MASP2: variants seen among roughly 807,000 people sequenced by gnomAD.
MASP2 encodes the protein mannan-binding lectin serine protease 2.
Under a neutral mutation model 57.1 loss-of-function variants are expected in MASP2, and 49 were observed. That is an observed-to-expected ratio of 0.86 (90% CI 0.68 to 1.09). MASP2 has a LOEUF of 1.09. Among genes scored for constraint, MASP2 ranks in the 50% least tolerant of loss-of-function variants. MASP2 has a pLI of 0.00. For synonymous variants in MASP2, 379 were observed against 340.8 expected, an observed-to-expected ratio of 1.11 and a Z score of -1.24; for missense variants, 900 against 874.8, an observed-to-expected ratio of 1.03 and a Z score of -0.36.
At chr1:11,037,623 C>G in intron 7 of MASP2, 70 bp downstream of exon 7, 1 of 931,796 alleles carries the variant, frequency 1.1e-6, no homozygotes, top group East Asian at 2.7e-5. Context: ...TTTCACATAT[C>G]TGCAGATAGA....
intron 3 of MASP2, chr1:11,046,295 G>A: frequency 1.9e-6 from 1 of 535,458 alleles, no homozygotes; most frequent in Non-Finnish European, 3.4e-6. Flanking sequence ...TTACAGGCGT[G>A]AGCTGCTGCG....
In MASP2 at chr1:11,030,158, T is replaced by A. The variant is rs1643818717; in HGVS notation, c.1297+18A>T. The stretch of plus-strand genomic sequence containing the variant: ...CTTTCCATCAATTACCAGTCTCTTG[T>A]ATAAATGTATCCATTACCAGGCTCA... On this transcript the variant is annotated intron_variant, in intron 10 of 10. Transcript: ENST00000400897. 1 of 1,586,172 alleles carries A rather than the reference T, an allele frequency of 6.3e-7. No individual in the cohort carries two copies. Among genetic ancestry groups the A allele is most frequent in the Non-Finnish European group, 8.7e-7 (1 of 1,155,992 alleles).
In MASP2 at chr1:11,027,470, T is replaced by G; in HGVS notation, c.1476A>C (p.Ala492=). ...TGCCCATTCGAATGTCCAGGGCGGATGCATCATGTTTTTGCTCATAGACGG... is the reference window on the plus strand; with the variant it reads ...TGCCCATTCGAATGTCCAGGGCGGAGGCATCATGTTTTTGCTCATAGACGG... The part of the protein sequence containing the change: ...AHAVYEQKHD[A]SALDIRMGTL... Residue 492 remains alanine (A), a synonymous_variant, in exon 11 of 11, where the codon GCA becomes GCC. Transcript: ENST00000400897. The G allele has an allele frequency of 1.9e-6, 3 of 1,614,178 alleles. No homozygotes were observed. Among genetic ancestry groups the G allele is most frequent in the Non-Finnish European group, 2.5e-6 (3 of 1,180,026 alleles).
At chr1:11,030,338 T>G (rs951496604) in intron 9 of MASP2, 88 bp from the exon 10 acceptor site, 4 of 905,586 alleles carry the variant, frequency 4.4e-6, no homozygotes, top group African/African-American at 3.3e-5. Context: ...AAATGTTGAT[T>G]CTTGAGCATC....
At chr1:11,044,829 T>A (rs192542590) in intron 4 of MASP2, 4 of 1,388,472 alleles carry the variant, frequency 2.9e-6, no homozygotes, top group Non-Finnish European at 3.8e-6. Context: ...ATTGGGTCCA[T>A]GGTGGGTGAA....
rs149800848 is a variant in MASP2, at chr1:11,042,936, G to C, written c.828C>G (p.Ile276Met). Residue 276 changes from isoleucine (I) to methionine (M), a missense_variant, in exon 6 of 11, where the codon ATC becomes ATG. Transcript: ENST00000400897. The stretch of plus-strand genomic sequence containing the variant: ...CTCCTGATTCATCTGTGACAAAGGT[G>C]ATGGTCACCGTGTTGCTTTTTGTTT... ...RIETKSNTVT[I>M]TFVTDESGDH... 1,413 of 1,613,864 alleles carry C rather than the reference G, an allele frequency of 8.8e-4. No homozygotes were observed. The highest frequency in any genetic ancestry group is 1.1e-3 in the Non-Finnish European group (1,328 of 1,179,898).
At chr1:11,030,653 G>A in intron 9 of MASP2, 95 bp downstream of exon 9, 1 of 1,374,434 alleles carries the variant, frequency 7.3e-7, no homozygotes, top group Non-Finnish European at 9.8e-7. Context: ...CTTTTGTCTA[G>A]CCTTAGCCAA....
At chr1:11,031,072 G>C (rs1276423745) in intron 8 of MASP2, among the ~76,000 whole-genome samples, 190 bp from the exon 9 acceptor site, 1 of 151,960 alleles carries the variant, frequency 6.6e-6, no homozygotes, top group Non-Finnish European at 1.5e-5. Flanking sequence ...GGTGGCACGT[G>C]CCTGTTGTCC....
Position 11,043,362 on chromosome 1 carries a change from G to T in MASP2, c.718C>A (p.Leu240Met), listed in dbSNP as rs1249592319. Residue 240 changes from leucine (L) to methionine (M), a missense_variant, in exon 5 of 11, where the codon CTG (leucine) becomes ATG (methionine). Transcript: ENST00000400897. ...ACCTTGAGAAAGTCGTAGGGACACA[G>T]GGTTTCAGGGTGTGTCTCCACATCG... Reference protein sequence around the residue: ...SFDVETHPETLCPYDFLKIQT... With the variant: ...SFDVETHPETMCPYDFLKIQT... 7 of 1,608,292 alleles carry T rather than the reference G, an allele frequency of 4.4e-6. 1 individual carries two copies. In the Admixed American group the frequency reaches 1.0e-4, roughly 23 times the overall value.
rs748374744 is a variant in MASP2, at chr1:11,042,979, G to A, written c.785C>T (p.Thr262Ile). Residue 262 changes from threonine (T) to isoleucine (I), a missense_variant, in exon 6 of 11, where the codon ACA becomes ATA. Thr to Ile is a moderately conservative substitution (Grantham distance 89). Transcript: ENST00000400897. ...REEHGPFCGK[T>I]LPHRIETKSN... ...TTTTGTTTCAATCCTGTGGGGCAATGTCTTCCCACAGAATGGGCCATGTTC... is the reference window on the plus strand; with the variant it reads ...TTTTGTTTCAATCCTGTGGGGCAATATCTTCCCACAGAATGGGCCATGTTC... 8 of 1,613,940 alleles carry A rather than the reference G, an allele frequency of 5.0e-6. No homozygotes were observed. Among genetic ancestry groups the A allele is most frequent in the Non-Finnish European group, 5.1e-6 (6 of 1,179,846 alleles).
At chr1:11,038,039 A>G (rs1638306072) in intron 6 of MASP2, among the ~76,000 whole-genome samples, 1 of 152,192 alleles carries the variant, frequency 6.6e-6, no homozygotes, top group Admixed American at 6.5e-5. Flanking sequence ...TATGTGAGAA[A>G]GCTGGGTTAT....
At position 11,037,942 on chromosome 1, in the gene MASP2, G is replaced by A. The variant is rs1638304291; in HGVS notation, c.890-131C>T. ...AAGAGAGCTCACCATACGTGGGGTA[G>A]GGTTCTTTAAAACCAAAGGCAAGAT... On this transcript the variant is annotated intron_variant, in intron 6 of 10. Transcript: ENST00000400897. The A allele has an allele frequency of 7.9e-6, 4 of 508,042 alleles. No individual in the cohort carries two copies. The East Asian group carries it at 1.3e-4, about 17-fold the overall frequency. The allele number at this position is 508,042 out of a possible 1,614,324, so 31.5% of individuals were successfully genotyped here.
intron 9 of MASP2, 47 bp from the exon 10 acceptor site, chr1:11,030,297 T>G (rs1310266386): frequency 2.2e-6 from 3 of 1,362,308 alleles, no homozygotes; most frequent in Non-Finnish European, 3.1e-6. Context: ...ATGTATAAGA[T>G]GGTTGTCATT....
At chr1:11,036,117 G>A (rs1270785543) in intron 7 of MASP2, among the ~76,000 whole-genome samples, 1 of 152,142 alleles carries the variant, frequency 6.6e-6, no homozygotes, top group Non-Finnish European at 1.5e-5. Context: ...CTAAGATAAT[G>A]TTTTTCTAAA....
chr1:11,045,923 T>G, intron 3 of MASP2: 1 of 236,594 alleles, frequency 4.2e-6, no homozygotes. Context: ...CTGCAGGGAC[T>G]GGGATCTGAA....
In MASP2 at chr1:11,037,677, C is replaced by CT; in HGVS notation, c.1008+15dup. ...AGCAATCGTCATTGATCGTGGTGTA[C>CT]TTTGTTTTAACTCACTTGCAGAAGC... On this transcript the variant is annotated intron_variant, in intron 7 of 10. Coordinates refer to ENST00000400897, the MANE Select transcript of MASP2 (RefSeq NM_006610.4). 1.3e-6 allele frequency: 2 copies of CT among 1,518,294 alleles called. No homozygotes were observed. Among genetic ancestry groups the CT allele is most frequent in the African/African-American group, 2.8e-5 (2 of 72,290 alleles). The allele number at this position is 1,518,294 out of a possible 1,614,324, so 94.1% of individuals were successfully genotyped here. A position where few individuals can be genotyped will look rare whatever the true frequency, so the allele number is the denominator to read the frequency against.
chr1:11,044,761 T>TTC, intron 4 of MASP2: 75 of 1,313,456 alleles, frequency 5.7e-5, no homozygotes, highest in East Asian at 6.3e-5. Flanking sequence ...CCCCGCCGCC[T>TTC]CCCGACCCTC....
intron 6 of MASP2, among the ~76,000 whole-genome samples, chr1:11,041,788 G>A (rs1301394018): frequency 1.7e-3 from 242 of 145,574 alleles, no homozygotes; most frequent in Middle Eastern, 3.9e-3. Flanking sequence ...ATGGATGGAT[G>A]GATGGATAGA....
Position 11,027,136 on chromosome 1 carries a change from T to C in MASP2, c.1810A>G (p.Lys604Glu). The C allele has an allele frequency of 6.2e-7, 1 of 1,613,120 alleles. No homozygotes were observed. Among genetic ancestry groups the C allele is most frequent in the Non-Finnish European group, 8.5e-7 (1 of 1,179,602 alleles). Residue 604 changes from lysine to glutamate, a missense_variant, in exon 11 of 11, where the codon AAG becomes GAG. Transcript: ENST00000400897. ...DHQKCTAAYEKPPYPRGSVTA... is the reference protein window; with the variant it reads ...DHQKCTAAYEEPPYPRGSVTA... ...ACACTTCCCCTTGGATAGGGTGGCT[T>C]TTCATATGCAGCAGTACATTTTTGA...
Sources: gnomAD v4.1 joint callset for allele counts (sites outside exome capture counted in the v4.1 genomes callset) on GRCh38, gnomAD v4.1.1 for gene constraint, MANE v1.5 for transcripts, NCBI Gene and HGNC (gene_info 2026-07-23, HGNC 2026-07-21) for gene names.